GABRA3: variants seen among roughly 807,000 people sequenced by gnomAD.
GABRA3 encodes gamma-aminobutyric acid receptor subunit alpha-3.
GABRA3 carries 10 observed loss-of-function variants against 30.1 expected under a neutral mutation model. The ratio of observed to expected loss-of-function variants is 0.33; its 90% CI spans 0.20 to 0.56. The LOEUF (loss-of-function observed/expected upper bound fraction) is 0.56. Among genes scored for constraint, GABRA3 ranks in the 20% least tolerant of loss-of-function variants. The pLI is 0.89. For missense variants in GABRA3, 233 were observed against 392.0 expected, an observed-to-expected ratio of 0.59 and a Z score of 3.42; for synonymous variants, 151 against 146.8, an observed-to-expected ratio of 1.03 and a Z score of -0.21.
chrX:152,262,344 G>A (rs1179877738), intron 4 of GABRA3, among the ~76,000 whole-genome samples: 1 of 112,464 alleles, frequency 8.9e-6, no homozygotes, highest in Non-Finnish European at 1.9e-5. Flanking sequence ...TTTCTTCCCA[G>A]AAAATGGCTT....
chrX:152,279,078 G>A (rs1407583458), intron 4 of GABRA3, among the ~76,000 whole-genome samples: 4 of 111,548 alleles, frequency 3.6e-5, no homozygotes, highest in Non-Finnish European at 7.5e-5. Context: ...CACTCTGATG[G>A]TAGTTTCTTT....
At chrX:152,441,188 C>T (rs1930922094) in intron 1 of GABRA3, among the ~76,000 whole-genome samples, 1 of 110,786 alleles carries the variant, frequency 9.0e-6, no homozygotes, top group South Asian at 3.8e-4. Context: ...ATACATGTGT[C>T]AGAACTTAAA....
chrX:152,327,121 A>G (rs998145717), intron 3 of GABRA3, among the ~76,000 whole-genome samples: 4 of 110,952 alleles, frequency 3.6e-5, no homozygotes, highest in African/African-American at 1.3e-4. Context: ...TTACATAATG[A>G]TAGAGGGACC....
At chrX:152,249,803 T>G (rs541624847) in intron 5 of GABRA3, among the ~76,000 whole-genome samples, 6 of 111,044 alleles carry the variant, frequency 5.4e-5, no homozygotes, top group African/African-American at 1.6e-4. Context: ...GCTCTATCTC[T>G]GCAATGTTTC....
intron 5 of GABRA3, among the ~76,000 whole-genome samples, chrX:152,248,054 G>A (rs1938488667): frequency 9.0e-6 from 1 of 110,755 alleles, no homozygotes; most frequent in Non-Finnish European, 1.9e-5. Context: ...AACATCTATT[G>A]AAAACGTCTC....
At chrX:152,227,467 G>A (rs55972755) in intron 5 of GABRA3, among the ~76,000 whole-genome samples, 2,256 of 105,658 alleles carry the variant, frequency 0.021, 43 homozygotes, top group Middle Eastern at 0.063. Flanking sequence ...CACGAGCATG[G>A]CACATGTATA....
intron 2 of GABRA3, among the ~76,000 whole-genome samples, chrX:152,348,618 C>A (rs1185442140): frequency 9.0e-6 from 1 of 111,169 alleles, no homozygotes; most frequent in Non-Finnish European, 1.9e-5. Flanking sequence ...GACCTACAGG[C>A]ATACCTCTGG....
chrX:152,265,840 T>C (rs1034942411), intron 4 of GABRA3, among the ~76,000 whole-genome samples: 1 of 111,030 alleles, frequency 9.0e-6, no homozygotes, highest in Non-Finnish European at 1.9e-5. Context: ...AGGATCATTA[T>C]TGGCTACTGA....
chrX:152,434,381 C>T (rs887694952), intron 1 of GABRA3, among the ~76,000 whole-genome samples: 1 of 111,325 alleles, frequency 9.0e-6, no homozygotes, highest in Non-Finnish European at 1.9e-5. Flanking sequence ...CTCCTTGTTC[C>T]TCAAGCTTGC....
intron 4 of GABRA3, among the ~76,000 whole-genome samples, chrX:152,265,965 A>G (rs974261855): frequency 1.8e-5 from 2 of 111,507 alleles, no homozygotes; most frequent in Non-Finnish European, 1.9e-5. Flanking sequence ...CAGACCAATA[A>G]CAGGTAATGT....
intron 3 of GABRA3, among the ~76,000 whole-genome samples, chrX:152,295,768 A>G (rs185609028): frequency 8.9e-6 from 1 of 112,230 alleles, no homozygotes; most frequent in East Asian, 2.8e-4. Context: ...GAAATCACCC[A>G]TCTTCTGAGT....
chrX:152,429,016 C>T (rs1930581600), intron 1 of GABRA3, among the ~76,000 whole-genome samples: 2 of 111,313 alleles, frequency 1.8e-5, no homozygotes, highest in Admixed American at 1.9e-4. Context: ...CACAAGAACA[C>T]AGCCAAGCCC....
In GABRA3 at chrX:152,212,317, AAAAAAAAAAAAAAAT is replaced by A. The variant is rs1266849694; in HGVS notation, c.635-4188_635-4174del. ...AAAAAAAAAAAAAAAAAAAAAAAAA[AAAAAAAAAAAAAAAT>A]TCCAAATTGCCTACCCTAAGAACTA... On this transcript the variant is annotated intron_variant, in intron 6 of 9. Coordinates refer to ENST00000370314, the MANE Select transcript of GABRA3 (RefSeq NM_000808.4). 2.0e-3 allele frequency among the ~76,000 whole-genome samples: 165 copies of A among 80,502 alleles called. 9 individuals are homozygous for A. Among genetic ancestry groups the A allele is most frequent in the African/African-American group, 7.6e-3 (153 of 20,152 alleles). 69.9% of individuals were successfully genotyped at this position (80,502 alleles called of 115,157 possible). A position where few individuals can be genotyped will look rare whatever the true frequency, so the allele number is the denominator to read the frequency against.
chrX:152,418,228 G>T (rs1326763692), intron 1 of GABRA3, among the ~76,000 whole-genome samples: 1 of 110,702 alleles, frequency 9.0e-6, no homozygotes, highest in Non-Finnish European at 1.9e-5. Flanking sequence ...AAAAGTGCAA[G>T]AATTGCATTT....
chrX:152,338,944 A>G (rs992654974), intron 3 of GABRA3, among the ~76,000 whole-genome samples: 4 of 111,318 alleles, frequency 3.6e-5, no homozygotes, highest in African/African-American at 1.3e-4. Context: ...TTCACAGTTG[A>G]TTTTGAAATC....
intron 9 of GABRA3, among the ~76,000 whole-genome samples, chrX:152,169,294 G>C (rs1001532990): frequency 8.9e-6 from 1 of 112,383 alleles, no homozygotes; most frequent in East Asian, 2.8e-4. Flanking sequence ...CAGTGTAACT[G>C]TTCAGCAAGC....
chrX:152,438,333 A>G (rs189791217), intron 1 of GABRA3, among the ~76,000 whole-genome samples: 66 of 112,440 alleles, frequency 5.9e-4, no homozygotes, highest in Non-Finnish European at 1.1e-3. Flanking sequence ...ATGTGGAGCA[A>G]CAGGAATGCT....
intron 1 of GABRA3, chrX:152,392,221 G>A: frequency 2.6e-6 from 1 of 386,079 alleles, no homozygotes; most frequent in South Asian, 2.3e-5. Flanking sequence ...AGCAAAAGTA[G>A]ACACCGTAGC....
intron 6 of GABRA3, among the ~76,000 whole-genome samples, chrX:152,217,413 A>G (rs778344891): frequency 9.0e-6 from 1 of 111,519 alleles, no homozygotes; most frequent in African/African-American, 3.2e-5. Flanking sequence ...ATACTTGCCT[A>G]TAGTTGTATT....
Sources: gnomAD v4.1 joint callset for allele counts (sites outside exome capture counted in the v4.1 genomes callset) on GRCh38, gnomAD v4.1.1 for gene constraint, MANE v1.5 for transcripts, NCBI Gene and HGNC (gene_info 2026-07-23, HGNC 2026-07-21) for gene names.